Variants in CFAP46 observed in about 807,000 individuals in gnomAD.
CFAP46 encodes cilia and flagella associated protein 46.
Under a neutral mutation model 325.7 loss-of-function variants are expected in CFAP46, and 245 were observed. The observed-to-expected ratio is 0.75, with a 90% confidence interval of 0.68 to 0.84. CFAP46 has a LOEUF of 0.84. Ranked by LOEUF, CFAP46 falls within the 40% of genes least tolerant of loss-of-function variation. The probability of loss-of-function intolerance (pLI) is 0.00; values close to 1 mark genes in which losing one functional copy is unlikely to be tolerated. For missense variants in CFAP46, 3,346 were observed against 3,543.0 expected (o/e 0.94, Z 1.41); for synonymous variants, 1,523 against 1,495.9 (o/e 1.02, Z -0.42).
At chr10:132,923,047 G>A (rs117146000) in intron 11 of CFAP46, among the ~76,000 whole-genome samples, 6,060 of 152,334 alleles carry the variant, frequency 0.04, 170 homozygotes, top group South Asian at 0.065. Flanking sequence ...AGGCCACGGC[G>A]GCAGGGGTCG....
chr10:132,839,525 CAT>C lies in CFAP46; in HGVS notation c.6439-2613_6439-2612del, dbSNP rs1253453955. 3.3e-5 allele frequency among the ~76,000 whole-genome samples: 5 copies of C among 152,184 alleles called. No homozygotes were observed. The East Asian group carries it at 5.8e-4, about 18-fold the overall frequency. On this transcript the variant is annotated intron_variant, in intron 44 of 57. Coordinates refer to ENST00000368586, the MANE Select transcript of CFAP46 (RefSeq NM_001200049.3). ...CTGTATTTTCTTTTCAGTCTTTCTA[CAT>C]GTTATTTCTTTTTCTAGTCATATTG...
At chr10:132,861,350 A>G (rs1347810196) in intron 35 of CFAP46, among the ~76,000 whole-genome samples, 4 of 152,226 alleles carry the variant, frequency 2.6e-5, no homozygotes, top group Admixed American at 1.3e-4. Flanking sequence ...ATCGGCGTTC[A>G]GGGAGGCACA....
At chr10:132,834,152 A>G (rs1198630379) in intron 48 of CFAP46, 29 bp from the exon 49 acceptor site, 4 of 1,608,134 alleles carry the variant, frequency 2.5e-6, no homozygotes, top group Non-Finnish European at 3.4e-6. Context: ...ATTCGGGTTT[A>G]AGAAACAGAG....
chr10:132,899,320 G>C (rs1437484360), intron 23 of CFAP46, among the ~76,000 whole-genome samples, 199 bp from the exon 24 acceptor site: 1 of 152,206 alleles, frequency 6.6e-6, no homozygotes, highest in African/African-American at 2.4e-5. Flanking sequence ...CCCCCACCAA[G>C]GCCAGGCTGT....
rs1218641054 is a variant in CFAP46 at position 132,932,680 on chromosome 10, G to A, written c.866+2072C>T. On this transcript the variant is annotated intron_variant, in intron 8 of 57. Transcript: ENST00000368586. ...CCTACCATGCGACAAGCCCGTAGGC[G>A]TGCCGCCAACCGCACCTGCAGTCAC... 5.8e-5 allele frequency among the ~76,000 whole-genome samples: 8 copies of A among 138,574 alleles called. No homozygotes were observed. In the South Asian group the frequency reaches 6.6e-4, roughly 12 times the overall value. The allele number at this position is 138,574 out of a possible 152,430, so 90.9% of individuals were successfully genotyped here. A position where few individuals can be genotyped will look rare whatever the true frequency, so the allele number is the denominator to read the frequency against.
rs1424491129 is a variant in CFAP46 at position 132,878,089 on chromosome 10, T to C, written c.4006-2A>G. ...TTTTCCTGCTGTCATCAAAGAAACC[T>C]GGTGGGGATGAAATCCACATTTGCA... is the stretch of plus-strand genomic sequence containing the variant. On this transcript the variant is annotated splice_acceptor_variant, in intron 29 of 57. Transcript: ENST00000368586. LOFTEE classifies it high-confidence loss of function. The C allele has an allele frequency of 3.2e-6, 5 of 1,548,576 alleles. No homozygotes were observed. The highest frequency in any genetic ancestry group is 3.5e-6 in the Non-Finnish European group (4 of 1,145,926).
chr10:132,929,598 C>T (rs1157080472), intron 9 of CFAP46, 107 bp downstream of exon 9: 2 of 1,059,042 alleles, frequency 1.9e-6, no homozygotes, highest in South Asian at 2.5e-5. Context: ...GGACCGAAGC[C>T]CTGGGGGCCG....
At position 132,850,232 on chromosome 10, in the gene CFAP46, A is replaced by G; in HGVS notation, c.5952+12T>C. 6.5e-7 allele frequency: 1 copy of G among 1,550,262 alleles called. No homozygotes were observed. Among genetic ancestry groups the G allele is most frequent in the Non-Finnish European group, 8.7e-7 (1 of 1,146,688 alleles). ...TTGGAGCCAGACTTGGGATAGAAGC[A>G]GGAGCACCTACCGAGGGGCCCGCCT... On this transcript the variant is annotated intron_variant, in intron 41 of 57. Coordinates refer to ENST00000368586, the MANE Select transcript of CFAP46 (RefSeq NM_001200049.3).
Position 132,916,628 on chromosome 10 carries a change from G to C in CFAP46, c.2041C>G (p.Pro681Ala), listed in dbSNP as rs747107998. 16 of 1,536,622 alleles carry C rather than the reference G, an allele frequency of 1.0e-5. No individual in the cohort carries two copies. Among genetic ancestry groups the C allele is most frequent in the Non-Finnish European group, 1.4e-5 (16 of 1,140,810 alleles). The change falls in exon 17 of 58, where the codon CCC becomes GCC. Residue 681 changes from proline to alanine, a missense_variant. Transcript: ENST00000368586. Reference protein sequence around the residue: ...EGVELNDRAIPPEDLSQHPAG... With the variant: ...EGVELNDRAIAPEDLSQHPAG... ...GGGTGCTGGCTCAGGTCTTCGGGGG[G>C]GATGGCCCGGTCATTCAGCTCTACA...
chr10:132,846,154 G>T lies in CFAP46; in HGVS notation c.6341C>A (p.Ala2114Glu), dbSNP rs142805512. The change falls in exon 44 of 58, where the codon GCG becomes GAG. Residue 2114 changes from alanine to glutamate, a missense_variant. Transcript: ENST00000368586. ...CTGGTGCTGTAGCTGCAGCAGGGCC[G>T]CCAGCTGTGAGCTGCTGGTGTTGGC... Reference protein sequence around the residue: ...ATANTSSSQLAALLQLQHQLR... With the variant: ...ATANTSSSQLEALLQLQHQLR... 437 of 1,611,154 alleles carry T rather than the reference G, an allele frequency of 2.7e-4. 3 individuals are homozygous for T. The South Asian group carries it at 4.0e-3, about 15-fold the overall frequency.
intron 3 of CFAP46, among the ~76,000 whole-genome samples, chr10:132,941,302 C>T (rs550519495): frequency 6.6e-6 from 1 of 152,212 alleles, no homozygotes; most frequent in Non-Finnish European, 1.5e-5. Context: ...TGCTCCAGCA[C>T]GCCCGCCCCA....
At chr10:132,900,060 T>A (rs1413008400) in intron 22 of CFAP46, among the ~76,000 whole-genome samples, 2 of 152,192 alleles carry the variant, frequency 1.3e-5, no homozygotes, top group African/African-American at 2.4e-5. Flanking sequence ...AGTAACCTTA[T>A]GAGCGACCCC....
intron 31 of CFAP46, among the ~76,000 whole-genome samples, chr10:132,875,834 A>G (rs1848950128): frequency 6.6e-6 from 1 of 152,218 alleles, no homozygotes; most frequent in African/African-American, 2.4e-5. Flanking sequence ...AAGGACACAC[A>G]AAAAACTGAC....
intron 22 of CFAP46, among the ~76,000 whole-genome samples, chr10:132,901,007 C>T (rs1045859365): frequency 1.3e-5 from 2 of 152,226 alleles, no homozygotes; most frequent in African/African-American, 4.8e-5. Flanking sequence ...TACCTCGGAT[C>T]GCGTGCCTGG....
At position 132,892,361 on chromosome 10, in the gene CFAP46, G is replaced by C; in HGVS notation, c.3276C>G (p.Gly1092=). 1 of 1,550,802 alleles carries C rather than the reference G, an allele frequency of 6.4e-7. No individual in the cohort carries two copies. The highest frequency in any genetic ancestry group is 8.7e-7 in the Non-Finnish European group (1 of 1,147,050). ...GAAGAAAATATCCTTCGGTCGTCCCGCCACCCTGGAAGTCGGCCGTGGGCC... is the reference window on the plus strand; with the variant it reads ...GAAGAAAATATCCTTCGGTCGTCCCCCCACCCTGGAAGTCGGCCGTGGGCC... The part of the protein sequence containing the change: ...HQWPTADFQG[G]GTTEGYFLPG... Residue 1092 remains glycine (G), a synonymous_variant, in exon 25 of 58, where the codon GGC becomes GGG. Coordinates refer to ENST00000368586, the MANE Select transcript of CFAP46 (RefSeq NM_001200049.3).
Position 132,912,657 on chromosome 10 carries a change from C to T in CFAP46, c.2497G>A (p.Glu833Lys), listed in dbSNP as rs1174056734. The T allele has an allele frequency of 3.9e-6, 6 of 1,546,998 alleles. No homozygotes were observed. Among genetic ancestry groups the T allele is most frequent in the Non-Finnish European group, 8.7e-7 (1 of 1,146,248 alleles). Residue 833 changes from glutamate to lysine, a missense_variant and splice_region_variant, in exon 19 of 58, where the codon GAG becomes AAG. Physicochemically the swap from Glu to Lys is moderately conservative, Grantham distance 56. Transcript: ENST00000368586. Reference sequence around the variant, plus strand: ...TCTCGGCATCATGGAGGTGGTACCTCCACCGCTGTTTTGATCTCGGAAGTG... The same window carrying T: ...TCTCGGCATCATGGAGGTGGTACCTTCACCGCTGTTTTGATCTCGGAAGTG... ...GATSEIKTAV[E>K]VCEFALNLTN... is the part of the protein sequence containing the mutation.
rs181083885 is a variant in CFAP46 at position 132,817,712 on chromosome 10, G to A, written c.7118-2798C>T. Reference sequence around the variant, plus strand: ...AGGACACTCAAGGCTCTAGATCACCGGCAGCCCGGCTTTCAGTGACTCTGT... The same window carrying A: ...AGGACACTCAAGGCTCTAGATCACCAGCAGCCCGGCTTTCAGTGACTCTGT... On this transcript the variant is annotated intron_variant, in intron 50 of 57. Coordinates refer to ENST00000368586, the MANE Select transcript of CFAP46 (RefSeq NM_001200049.3). This position sits in a 1 kb window ranked among gnomAD's most constrained non-coding sequence, Gnocchi z 4.4. Among the ~76,000 whole-genome samples the A allele has an allele frequency of 3.3e-4, 51 of 152,298 alleles. No individual in the cohort carries two copies. The highest frequency in any genetic ancestry group is 1.7e-3 in the South Asian group (8 of 4,824).
At chr10:132,865,103 C>T (rs1392039409) in intron 35 of CFAP46, among the ~76,000 whole-genome samples, 5 of 152,240 alleles carry the variant, frequency 3.3e-5, no homozygotes, top group Admixed American at 1.3e-4. Flanking sequence ...AAAACATCGA[C>T]AGGCTGTCTG....
At chr10:132,900,640 C>T (rs1202983721) in intron 22 of CFAP46, among the ~76,000 whole-genome samples, 2 of 152,234 alleles carry the variant, frequency 1.3e-5, no homozygotes, top group African/African-American at 4.8e-5. Context: ...CAATGCAAGC[C>T]GGTGGTCTGA....
Sources: allele counts gnomAD v4.1 joint callset (sites outside exome capture counted in the v4.1 genomes callset), GRCh38; gene constraint gnomAD v4.1.1; non-coding constraint Gnocchi (gnomAD v3.1); transcripts MANE v1.5; gene names NCBI Gene and HGNC (gene_info 2026-07-23, HGNC 2026-07-21).